TMEM164: variants seen among roughly 807,000 people sequenced by gnomAD.
TMEM164 encodes transmembrane protein 164.
TMEM164 carries 4 observed loss-of-function variants against 18.8 expected under a neutral mutation model. That is an observed-to-expected ratio of 0.21 (90% CI 0.10 to 0.49). The LOEUF (loss-of-function observed/expected upper bound fraction) is 0.49. TMEM164 is among the 20% of genes least tolerant of loss of function. The pLI is 0.98. For missense variants in TMEM164, 108 were observed against 239.9 expected, an observed-to-expected ratio of 0.45 and a Z score of 3.63; for synonymous variants, 86 against 101.7, an observed-to-expected ratio of 0.85 and a Z score of 0.93.
intron 2 of TMEM164, among the ~76,000 whole-genome samples, chrX:110,030,513 T>G (rs1246330666): frequency 9.3e-6 from 1 of 107,960 alleles, no homozygotes; most frequent in Non-Finnish European, 1.9e-5. Context: ...CAAGAGACAG[T>G]TGCCATTTAA....
At chrX:110,049,154 G>A (rs1935438976) in intron 2 of TMEM164, among the ~76,000 whole-genome samples, 1 of 111,391 alleles carries the variant, frequency 9.0e-6, no homozygotes, top group Admixed American at 9.5e-5. Flanking sequence ...ATTTGATTTG[G>A]GGCCCTGCCT....
At chrX:110,143,269 A>T (rs2066796864) in intron 4 of TMEM164, among the ~76,000 whole-genome samples, 1 of 112,085 alleles carries the variant, frequency 8.9e-6, no homozygotes, top group Non-Finnish European at 1.9e-5. Flanking sequence ...TAGATTGTGG[A>T]TGTGAAATCA....
intron 4 of TMEM164, among the ~76,000 whole-genome samples, chrX:110,139,597 A>T (rs1258128158): frequency 8.9e-6 from 1 of 112,067 alleles, no homozygotes; most frequent in African/African-American, 3.2e-5. Context: ...GCATGGCTTT[A>T]TATTTTTCTC....
intron 4 of TMEM164, among the ~76,000 whole-genome samples, chrX:110,120,480 C>T (rs993676342): frequency 8.9e-6 from 1 of 111,884 alleles, no homozygotes; most frequent in Non-Finnish European, 1.9e-5. Context: ...TTATTTTTGG[C>T]ACCTAATAAT....
At chrX:110,172,153 T>C (rs1203069582) in intron 6 of TMEM164, among the ~76,000 whole-genome samples, 2 of 111,833 alleles carry the variant, frequency 1.8e-5, no homozygotes, top group African/African-American at 6.5e-5. Context: ...AAGTCCTGGC[T>C]CTGCCACTGC....
chrX:110,123,150 A>G (rs1218536694), intron 4 of TMEM164, among the ~76,000 whole-genome samples: 2 of 111,656 alleles, frequency 1.8e-5, no homozygotes, highest in Non-Finnish European at 3.8e-5. Context: ...TTGTCCCAGC[A>G]CCATTTGTTG....
At chrX:110,015,882 C>T (rs1933336265) in intron 2 of TMEM164, among the ~76,000 whole-genome samples, 1 of 112,482 alleles carries the variant, frequency 8.9e-6, no homozygotes, top group Non-Finnish European at 1.9e-5. Flanking sequence ...AGCACCAAGC[C>T]AAGGTTATGT....
intron 2 of TMEM164, among the ~76,000 whole-genome samples, chrX:110,043,179 A>G (rs1395176773): frequency 8.9e-6 from 1 of 112,841 alleles, no homozygotes. Context: ...TCACCACCCT[A>G]TGGTGTAGAA....
At chrX:110,139,772 T>G (rs1342191611) in intron 4 of TMEM164, among the ~76,000 whole-genome samples, 1 of 110,608 alleles carries the variant, frequency 9.0e-6, no homozygotes, top group Non-Finnish European at 1.9e-5. Flanking sequence ...CTGGTGAGCA[T>G]AGAAGTGAGG....
chrX:110,075,409 G>T (rs747448417), intron 3 of TMEM164, among the ~76,000 whole-genome samples: 32 of 111,434 alleles, frequency 2.9e-4, no homozygotes, highest in Non-Finnish European at 5.1e-4. Context: ...GTGAAGAGAA[G>T]ATAGTTTGAA....
chrX:110,008,006 C>G (rs181137680), intron 2 of TMEM164, among the ~76,000 whole-genome samples: 1 of 112,532 alleles, frequency 8.9e-6, no homozygotes, highest in East Asian at 2.8e-4. Context: ...CCCTTAGTCC[C>G]AAGCTGTTGG....
Position 110,171,598 on chromosome X carries a change from C to T in TMEM164, c.687+78C>T, listed in dbSNP as rs1602748473. The stretch of plus-strand genomic sequence containing the variant: ...TCTTGGTAATCCTGGTTGGTGCTGA[C>T]GTATCACTTTGTTTTGAAAATGCAA... On this transcript the variant is annotated intron_variant, in intron 6 of 6. Coordinates refer to ENST00000372068, the MANE Select transcript of TMEM164 (RefSeq NM_032227.4). 21 of 827,898 alleles carry T rather than the reference C, an allele frequency of 2.5e-5. No individual in the cohort carries two copies. In the East Asian group the frequency reaches 2.8e-4, roughly 11 times the overall value. The allele number at this position is 827,898 out of a possible 1,213,427, so 68.2% of individuals were successfully genotyped here. A position where few individuals can be genotyped will look rare whatever the true frequency, so the allele number is the denominator to read the frequency against.
At chrX:110,044,593 C>CTTTTTTTTTT (rs56400284) in intron 2 of TMEM164, among the ~76,000 whole-genome samples, 8 of 35,954 alleles carry the variant, frequency 2.2e-4, no homozygotes, top group East Asian at 1.4e-3. Flanking sequence ...CCATTCCTTG[C>CTTTTTTTTTT]TTTTTTTTTT....
At chrX:110,179,854 GGATCTTACACCTGA>G (rs2067316741), downstream of TMEM164, among the ~76,000 whole-genome samples, 1 of 112,159 alleles carries the variant, frequency 8.9e-6, no homozygotes, top group Non-Finnish European at 1.9e-5. Flanking sequence ...CCGTGAACAA[GGATCTTACACCTGA>G]GTGCTAAAAT....
intron 5 of TMEM164, among the ~76,000 whole-genome samples, chrX:110,168,014 C>A (rs1459477388): frequency 8.9e-6 from 1 of 112,162 alleles, no homozygotes; most frequent in African/African-American, 3.2e-5. Flanking sequence ...CCCCCACCAA[C>A]ACCCACGGGC....
intron 3 of TMEM164, among the ~76,000 whole-genome samples, chrX:110,072,895 T>C (rs2065616679): frequency 9.1e-6 from 1 of 110,254 alleles, no homozygotes; most frequent in East Asian, 2.8e-4. Flanking sequence ...CAAGGGTATG[T>C]TGCACGATGC....
At chrX:110,146,795 T>C (rs761056963) in intron 5 of TMEM164, among the ~76,000 whole-genome samples, 1 of 112,180 alleles carries the variant, frequency 8.9e-6, no homozygotes, top group Non-Finnish European at 1.9e-5. Flanking sequence ...ACATCTGGAT[T>C]TCTTCACCTT....
chrX:110,178,506 A>G (rs1223927360), downstream of TMEM164, among the ~76,000 whole-genome samples: 6 of 112,099 alleles, frequency 5.4e-5, no homozygotes, highest in Admixed American at 3.7e-4. Context: ...TGAAAAAGAC[A>G]ATGACCTAGG....
At chrX:110,107,277 A>G (rs1318411470) in intron 3 of TMEM164, among the ~76,000 whole-genome samples, 1 of 111,217 alleles carries the variant, frequency 9.0e-6, no homozygotes, top group African/African-American at 3.3e-5. Context: ...TTCTGACTCT[A>G]CTCTCTTATG....
Sources: gnomAD v4.1 joint callset for allele counts (sites outside exome capture counted in the v4.1 genomes callset) on GRCh38, gnomAD v4.1.1 for gene constraint, MANE v1.5 for transcripts, NCBI Gene and HGNC (gene_info 2026-07-23, HGNC 2026-07-21) for gene names.